The following NUP133 variants were observed in gnomAD, a reference collection of about 807,000 sequenced individuals.
NUP133 encodes the protein nuclear pore complex protein Nup133.
In NUP133, 66 loss-of-function variants were observed where a neutral mutation model predicts 146.2. That is an observed-to-expected ratio of 0.45 (90% CI 0.37 to 0.55). The LOEUF is 0.55. NUP133 is among the 20% of genes least tolerant of loss of function. The pLI, the probability that NUP133 is intolerant of heterozygous loss-of-function variation, is 0.00. For missense variants in NUP133, 1,277 were observed against 1,374.8 expected (o/e 0.93, Z 1.12); for synonymous variants, 521 against 498.8 (o/e 1.04, Z -0.59).
At chr1:229,481,695 T>C (rs1661215454) in intron 12 of NUP133, among the ~76,000 whole-genome samples, 1 of 135,060 alleles carries the variant, frequency 7.4e-6, no homozygotes, top group African/African-American at 2.9e-5. Context: ...TGAGACTCTG[T>C]CTCAAAAAAA....
intron 12 of NUP133, among the ~76,000 whole-genome samples, chr1:229,482,770 A>G (rs540977961): frequency 6.6e-6 from 1 of 152,284 alleles, no homozygotes; most frequent in African/African-American, 2.4e-5. Context: ...ACGCCATCCA[A>G]GCAAAGACTT....
At chr1:229,468,487 A>C (rs1279419064) in intron 15 of NUP133, among the ~76,000 whole-genome samples, 1 of 152,108 alleles carries the variant, frequency 6.6e-6, no homozygotes, top group Non-Finnish European at 1.5e-5. Flanking sequence ...AGTCCTAAAC[A>C]TTACCATTTT....
chr1:229,460,391 G>A (rs1660666404), intron 20 of NUP133, among the ~76,000 whole-genome samples: 1 of 151,886 alleles, frequency 6.6e-6, no homozygotes, highest in South Asian at 2.1e-4. Context: ...TTCCTAGGCT[G>A]GTCTTGAACT....
chr1:229,478,901 A>T (rs1341388546), intron 12 of NUP133, among the ~76,000 whole-genome samples: 1 of 152,200 alleles, frequency 6.6e-6, no homozygotes, highest in Non-Finnish European at 1.5e-5. Flanking sequence ...ATCAGACAAG[A>T]GAAAAATCCA....
chr1:229,494,515 C>G (rs532790403), intron 8 of NUP133, among the ~76,000 whole-genome samples: 39 of 152,274 alleles, frequency 2.6e-4, no homozygotes, highest in African/African-American at 9.4e-4. Flanking sequence ...AAGTTGTCAT[C>G]TGAAGGATTA....
At chr1:229,475,769 G>A (rs1464000741) in intron 13 of NUP133, 37 bp from the exon 14 acceptor site, 1 of 1,479,172 alleles carries the variant, frequency 6.8e-7, no homozygotes, top group Admixed American at 1.7e-5. Flanking sequence ...GAACATAGTG[G>A]TTTTACAACT....
chr1:229,484,976 G>A (rs1455652316), intron 11 of NUP133, among the ~76,000 whole-genome samples: 3 of 152,100 alleles, frequency 2.0e-5, no homozygotes, highest in Non-Finnish European at 4.4e-5. Context: ...TTGAATTACA[G>A]AGGTAGTCTA....
chr1:229,498,418 T>C (rs1002977511), intron 5 of NUP133, 112 bp from the exon 6 acceptor site: 1 of 686,680 alleles, frequency 1.5e-6, no homozygotes, highest in Non-Finnish European at 2.3e-6. Flanking sequence ...TCTAAAAGAA[T>C]ACAAAATAGA....
intron 9 of NUP133, among the ~76,000 whole-genome samples, chr1:229,488,180 A>G (rs1661409138): frequency 6.6e-6 from 1 of 152,196 alleles, no homozygotes; most frequent in South Asian, 2.1e-4. Flanking sequence ...CAAATTTGGA[A>G]AACATTTCCA....
At position 229,477,931 on chromosome 1, in the gene NUP133, C is replaced by T. The variant is rs117337278; in HGVS notation, c.1593-171G>A. Reference sequence around the variant, plus strand: ...CATGTTAAGTGAAATAAGTCAGGCACGAAAGACATGTAACAAACTTTACAT... The same window carrying T: ...CATGTTAAGTGAAATAAGTCAGGCATGAAAGACATGTAACAAACTTTACAT... On this transcript the variant is annotated intron_variant, in intron 12 of 25. Coordinates refer to ENST00000261396, the MANE Select transcript of NUP133 (RefSeq NM_018230.3). Among the ~76,000 whole-genome samples, 582 of 152,078 alleles carry T rather than the reference C, an allele frequency of 3.8e-3. 15 individuals carry two copies. The highest frequency in any genetic ancestry group is 0.034 in the Admixed American group (526 of 15,252).
Position 229,450,588 on chromosome 1 carries a change from T to G in NUP133, c.3117A>C (p.Glu1039Asp), listed in dbSNP as rs1440451338. The G allele has an allele frequency of 2.6e-6, 4 of 1,567,332 alleles. No individual in the cohort carries two copies. The highest frequency in any genetic ancestry group is 2.3e-5 in the East Asian group (1 of 44,190). The stretch of plus-strand genomic sequence containing the variant: ...AATCATATTCATTAGCTCTTCTATT[T>G]TCTTCACAGATATATAGCTATGACA... ...PQLIGLYICE[E>D]NRRANEYDFK... The change falls in exon 23 of 26, where the codon GAA becomes GAC. Residue 1039 changes from glutamate to aspartate, a missense_variant. Around this residue, in one of 3 missense-constraint regions of NUP133, gnomAD observed 952 missense variants for 1,047.0 expected, o/e 0.91. Coordinates refer to ENST00000261396, the MANE Select transcript of NUP133 (RefSeq NM_018230.3).
intron 16 of NUP133, 98 bp downstream of exon 16, chr1:229,466,536 A>T: frequency 7.6e-7 from 1 of 1,310,028 alleles, no homozygotes; most frequent in Non-Finnish European, 1.1e-6. Context: ...ACAACCTTAT[A>T]CATTATCGGC....
At chr1:229,505,956 G>A in intron 2 of NUP133, 84 bp downstream of exon 2, 1 of 788,848 alleles carries the variant, frequency 1.3e-6, no homozygotes, top group South Asian at 1.5e-5. Context: ...AGGTATACTA[G>A]AGAAAACATA....
chr1:229,447,077 CTG>C lies in NUP133; in HGVS notation c.3245+2047_3245+2048del, dbSNP rs1221686970. ...AGGCGGAGGTTGTGGTGAGCCGAGA[CTG>C]TGCCATTGCACTCCAGCCTGGGCAA... On this transcript the variant is annotated intron_variant, in intron 24 of 25. Coordinates refer to ENST00000261396, the MANE Select transcript of NUP133 (RefSeq NM_018230.3). Among the ~76,000 whole-genome samples the C allele has an allele frequency of 1.9e-4, 28 of 151,002 alleles. No individual in the cohort carries two copies. In the East Asian group the frequency reaches 5.6e-3, roughly 30 times the overall value.
intron 21 of NUP133, among the ~76,000 whole-genome samples, chr1:229,457,843 G>C (rs1660603059): frequency 6.6e-6 from 1 of 152,142 alleles, no homozygotes; most frequent in Non-Finnish European, 1.5e-5. Context: ...CAAACCCACT[G>C]TGTAAAGGTC....
rs150785369 is a variant in NUP133, at chr1:229,461,827, C to CA, written c.2686-1059dup. Among the ~76,000 whole-genome samples the CA allele has an allele frequency of 5.1e-3, 765 of 148,666 alleles. 7 individuals are homozygous for CA. The highest frequency in any genetic ancestry group is 0.018 in the African/African-American group (739 of 40,694). ...AATAATTTTAAAATCATGATCAGTGCAAAAAATATTTATTTAGCAATGTTT... is the reference window on the plus strand; with the variant it reads ...AATAATTTTAAAATCATGATCAGTGCAAAAAAATATTTATTTAGCAATGTTT... On this transcript the variant is annotated intron_variant, in intron 19 of 25. Coordinates refer to ENST00000261396, the MANE Select transcript of NUP133 (RefSeq NM_018230.3).
At position 229,489,960 on chromosome 1, in the gene NUP133, A is replaced by G; in HGVS notation, c.1189T>C (p.Phe397Leu). The G allele has an allele frequency of 6.3e-7, 1 of 1,587,672 alleles. No homozygotes were observed. The highest frequency in any genetic ancestry group is 8.6e-7 in the Non-Finnish European group (1 of 1,167,084). The change falls in exon 9 of 26, where the codon TTT becomes CTT. Residue 397 changes from phenylalanine (F) to leucine (L), a missense_variant. Coordinates refer to ENST00000261396, the MANE Select transcript of NUP133 (RefSeq NM_018230.3). ...TTAACCAATATAAATCTTACCTGAAAAGGTGGATTATATTGAGTGACTTCT... is the reference window on the plus strand; with the variant it reads ...TTAACCAATATAAATCTTACCTGAAGAGGTGGATTATATTGAGTGACTTCT... ...TVEVTQYNPP[F>L]QSEDLILCQL...
At chr1:229,470,287 CA>C (rs33912287) in intron 15 of NUP133, among the ~76,000 whole-genome samples, 335 of 110,152 alleles carry the variant, frequency 3.0e-3, no homozygotes, top group Middle Eastern at 5.3e-3. Context: ...GACTCCATCT[CA>C]AAAAAAAAAA....
At position 229,464,676 on chromosome 1, in the gene NUP133, G is replaced by A; in HGVS notation, c.2499C>T (p.Asp833=). Residue 833 remains aspartate, a synonymous_variant, in exon 18 of 26, where the codon GAC becomes GAT. Coordinates refer to ENST00000261396, the MANE Select transcript of NUP133 (RefSeq NM_018230.3). The part of the protein sequence containing the change: ...VDKSSNRERY[D]NLEMEYLQKR... ...TCTGTAGGTATTCCATCTCCAGATT[G>A]TCATATCTTTCCCGATTACTGGATT... is the stretch of plus-strand genomic sequence containing the variant. 1 of 1,614,122 alleles carries A rather than the reference G, an allele frequency of 6.2e-7. No homozygotes were observed. The highest frequency in any genetic ancestry group is 8.5e-7 in the Non-Finnish European group (1 of 1,179,960).
Sources: allele counts gnomAD v4.1 joint callset (sites outside exome capture counted in the v4.1 genomes callset), GRCh38; gene constraint gnomAD v4.1.1; regional missense constraint gnomAD v4.1.1; transcripts MANE v1.5; gene names NCBI Gene and HGNC (gene_info 2026-07-23, HGNC 2026-07-21).